UIMC1: variants seen among roughly 807,000 people sequenced by gnomAD.
UIMC1 encodes ubiquitin interaction motif containing 1.
UIMC1 carries 42 observed loss-of-function variants against 84.9 expected under a neutral mutation model. The observed-to-expected ratio is 0.49, with a 90% CI of 0.39 to 0.64. UIMC1 has a LOEUF of 0.64. UIMC1 is among the 30% of genes least tolerant of loss of function. The pLI is 0.00. For synonymous variants in UIMC1, 281 were observed against 293.0 expected (o/e 0.96, Z 0.42); for missense variants, 825 against 847.6 (o/e 0.97, Z 0.33).
intron 7 of UIMC1, among the ~76,000 whole-genome samples, chr5:176,956,479 TCTC>T (rs1766613102): frequency 6.6e-6 from 1 of 152,160 alleles, no homozygotes. Context: ...TGCAGTTAAA[TCTC>T]CTCTTTATCT....
chr5:176,949,809 C>T (rs896094460), intron 9 of UIMC1, among the ~76,000 whole-genome samples: 1 of 152,130 alleles, frequency 6.6e-6, no homozygotes, highest in African/African-American at 2.4e-5. Flanking sequence ...CCTGTAATCC[C>T]AGCACTTTGG....
chr5:176,997,593 G>A (rs547088362), intron 1 of UIMC1, among the ~76,000 whole-genome samples: 9 of 150,670 alleles, frequency 6.0e-5, no homozygotes, highest in East Asian at 3.9e-4. Flanking sequence ...GCTGAGGCAG[G>A]AGAATGCCGT....
At chr5:176,991,406 C>T (rs1214797072) in intron 1 of UIMC1, among the ~76,000 whole-genome samples, 2 of 151,790 alleles carry the variant, frequency 1.3e-5, no homozygotes, top group Non-Finnish European at 2.9e-5. Context: ...GGAGAAACAG[C>T]AAAGACAACT....
At chr5:176,960,176 T>TAA (rs1767166830) in intron 6 of UIMC1, among the ~76,000 whole-genome samples, 1 of 152,298 alleles carries the variant, frequency 6.6e-6, no homozygotes, top group South Asian at 2.1e-4. Context: ...TTCGAGAGGT[T>TAA]AAATAATTTG....
chr5:176,917,968 A>G (rs1761227730), intron 10 of UIMC1, among the ~76,000 whole-genome samples: 1 of 152,232 alleles, frequency 6.6e-6, no homozygotes, highest in Non-Finnish European at 1.5e-5. Flanking sequence ...TCAAAAAATA[A>G]TAAAAAAAAT....
At chr5:176,929,017 G>A (rs569666711) in intron 10 of UIMC1, among the ~76,000 whole-genome samples, 6 of 152,208 alleles carry the variant, frequency 3.9e-5, no homozygotes, top group Non-Finnish European at 8.8e-5. Context: ...ACTTTCGGAG[G>A]CCAAGGCGGG....
chr5:176,989,554 A>C (rs1190635014), intron 1 of UIMC1, among the ~76,000 whole-genome samples: 2 of 151,840 alleles, frequency 1.3e-5, no homozygotes, highest in African/African-American at 2.4e-5. Flanking sequence ...CAGCTACTGG[A>C]GAGGCTGGGG....
At chr5:176,986,358 T>C (rs1394032589) in intron 1 of UIMC1, among the ~76,000 whole-genome samples, 1 of 16,384 alleles carries the variant, frequency 6.1e-5, no homozygotes, top group Non-Finnish European at 1.1e-4. Context: ...AGACTTCATC[T>C]CAAAAAAAAA....
chr5:177,001,284 G>A (rs548312728), intron 1 of UIMC1: 1 of 152,320 alleles, frequency 6.6e-6, no homozygotes, highest in African/African-American at 2.4e-5. Context: ...CCCAGTGTAT[G>A]TTCTTGGCAA....
chr5:176,914,351 T>C (rs1314031020), intron 10 of UIMC1, among the ~76,000 whole-genome samples: 1 of 152,138 alleles, frequency 6.6e-6, no homozygotes, highest in Non-Finnish European at 1.5e-5. Flanking sequence ...TAGGGAAAAA[T>C]GGTTGTAAAG....
intron 9 of UIMC1, among the ~76,000 whole-genome samples, chr5:176,948,436 G>A (rs1765410036): frequency 6.6e-6 from 1 of 152,096 alleles, no homozygotes; most frequent in African/African-American, 2.4e-5. Context: ...AATTTCACCT[G>A]CAAACCAACA....
intron 10 of UIMC1, among the ~76,000 whole-genome samples, chr5:176,920,512 T>C (rs1761571343): frequency 1.3e-5 from 2 of 152,076 alleles, no homozygotes; most frequent in East Asian, 1.9e-4. Flanking sequence ...TTGTCAAACA[T>C]ATTCCTAAGT....
chr5:177,011,762 G>A (rs1157640246), upstream of UIMC1, among the ~76,000 whole-genome samples: 2 of 152,020 alleles, frequency 1.3e-5, no homozygotes, highest in East Asian at 1.9e-4. Context: ...CGGAGGGACC[G>A]GCTGGAGCCG....
At chr5:176,979,661 G>A (rs1294811124) in intron 2 of UIMC1, among the ~76,000 whole-genome samples, 1 of 151,836 alleles carries the variant, frequency 6.6e-6, no homozygotes, top group Non-Finnish European at 1.5e-5. Flanking sequence ...ACTAAGAGAA[G>A]AGGGATTCTC....
intron 3 of UIMC1, among the ~76,000 whole-genome samples, chr5:176,974,442 G>T (rs758164271): frequency 8.5e-5 from 13 of 152,102 alleles, no homozygotes; most frequent in Non-Finnish European, 1.5e-4. Flanking sequence ...AAAATTTCCA[G>T]AAGAAAATAG....
upstream of UIMC1, among the ~76,000 whole-genome samples, chr5:177,011,326 G>GGATGTAGTA (rs1194328925): frequency 2.0e-5 from 3 of 152,072 alleles, no homozygotes; most frequent in Non-Finnish European, 4.4e-5. Context: ...GATTACTTGA[G>GGATGTAGTA]CCCAGGAGTT....
chr5:177,003,704 C>CT (rs1482499204), intron 1 of UIMC1, among the ~76,000 whole-genome samples: 1 of 152,106 alleles, frequency 6.6e-6, no homozygotes, highest in Non-Finnish European at 1.5e-5. Context: ...ATCCTTAAAT[C>CT]TAAGAGTATA....
intron 1 of UIMC1, among the ~76,000 whole-genome samples, chr5:176,997,594 AG>A (rs1426240235): frequency 6.7e-6 from 1 of 149,508 alleles, no homozygotes; most frequent in Non-Finnish European, 1.5e-5. Flanking sequence ...CTGAGGCAGG[AG>A]AATGCCGTGA....
intron 1 of UIMC1, among the ~76,000 whole-genome samples, chr5:176,991,305 G>C (rs1485751833): frequency 6.6e-6 from 1 of 151,912 alleles, no homozygotes; most frequent in Non-Finnish European, 1.5e-5. Flanking sequence ...CACCAAGCCC[G>C]GCCTCAGTTT....
Sources: gnomAD v4.1 joint callset for allele counts (sites outside exome capture counted in the v4.1 genomes callset) on GRCh38, gnomAD v4.1.1 for gene constraint, MANE v1.5 for transcripts, NCBI Gene and HGNC (gene_info 2026-07-23, HGNC 2026-07-21) for gene names.